RBMS3: variants seen among roughly 807,000 people sequenced by gnomAD.
RBMS3 encodes RNA-binding motif, single-stranded-interacting protein 3.
In RBMS3, 27 loss-of-function variants were observed where a neutral mutation model predicts 66.8. The ratio of observed to expected loss-of-function variants is 0.40; its 90% confidence interval spans 0.30 to 0.56. The LOEUF is 0.56. Ranked by LOEUF, RBMS3 falls within the 20% of genes least tolerant of loss-of-function variation. The probability of loss-of-function intolerance (pLI) is 0.40; values close to 1 mark genes in which losing one functional copy is unlikely to be tolerated. For missense variants in RBMS3, 513 were observed against 549.5 expected, an observed-to-expected ratio of 0.93 and a Z score of 0.66; for synonymous variants, 188 against 183.0, an observed-to-expected ratio of 1.03 and a Z score of -0.22.
intron 4 of RBMS3, among the ~76,000 whole-genome samples, chr3:29,671,495 AG>A (rs1418143064): frequency 2.0e-5 from 3 of 152,248 alleles, no homozygotes; most frequent in African/African-American, 7.2e-5. Context: ...AATCTAAAGC[AG>A]GATGTTCGAA....
At chr3:29,928,239 T>C (rs1009580268) in intron 10 of RBMS3, among the ~76,000 whole-genome samples, 45 of 119,526 alleles carry the variant, frequency 3.8e-4, no homozygotes, top group Admixed American at 6.6e-4. Context: ...CACACACATA[T>C]ATATGTATAT....
intron 4 of RBMS3, among the ~76,000 whole-genome samples, chr3:29,661,991 C>T (rs991006560): frequency 4.6e-5 from 7 of 152,132 alleles, no homozygotes; most frequent in East Asian, 1.9e-4. Flanking sequence ...TCAGTGCACA[C>T]GTTTTCAGTT....
In RBMS3 at chr3:29,418,389, CACTA is replaced by C. The variant is rs552406234; in HGVS notation, c.76-16352_76-16349del. On this transcript the variant is annotated intron_variant, in intron 1 of 14. Transcript: ENST00000383767. Reference sequence around the variant, plus strand: ...TCTCTCTGAAATTGCTAACATATGACACTAATTGACTTTGTCAGAATCCTCAGTG... The same window carrying C: ...TCTCTCTGAAATTGCTAACATATGACATTGACTTTGTCAGAATCCTCAGTG... Among the ~76,000 whole-genome samples, 15 of 152,260 alleles carry C rather than the reference CACTA, an allele frequency of 9.9e-5. No homozygotes were observed. In the South Asian group the frequency reaches 3.1e-3, roughly 32 times the overall value.
chr3:29,331,372 C>T (rs1047483978), intron 1 of RBMS3, among the ~76,000 whole-genome samples: 19 of 152,190 alleles, frequency 1.2e-4, no homozygotes, highest in South Asian at 2.1e-4. Context: ...TAAGTTAAGA[C>T]GAACTCCAAT....
chr3:29,624,863 A>G (rs2049002430), intron 4 of RBMS3, among the ~76,000 whole-genome samples: 1 of 152,096 alleles, frequency 6.6e-6, no homozygotes. Flanking sequence ...GGTCCCATCA[A>G]ATTTTTTCTT....
chr3:29,531,849 T>C (rs975458839), intron 3 of RBMS3, among the ~76,000 whole-genome samples: 1 of 152,186 alleles, frequency 6.6e-6, no homozygotes, highest in Non-Finnish European at 1.5e-5. Context: ...CCACATTTGG[T>C]TAACCCATTT....
intron 4 of RBMS3, among the ~76,000 whole-genome samples, chr3:29,660,939 G>C (rs1368304351): frequency 6.6e-6 from 1 of 152,196 alleles, no homozygotes; most frequent in African/African-American, 2.4e-5. Context: ...TTCTTTGTCT[G>C]CACTTTTGTA....
intron 1 of RBMS3, among the ~76,000 whole-genome samples, chr3:29,401,687 T>C (rs2039818578): frequency 1.3e-5 from 2 of 152,088 alleles, no homozygotes. Context: ...TGAATGAAGA[T>C]GGGGGAATGG....
intron 4 of RBMS3, among the ~76,000 whole-genome samples, chr3:29,654,420 C>T (rs1015944632): frequency 1.3e-5 from 2 of 151,884 alleles, no homozygotes; most frequent in African/African-American, 4.8e-5. Context: ...AGGGATATCA[C>T]TACTCATCTA....
At chr3:29,623,878 C>A (rs1042284982) in intron 4 of RBMS3, among the ~76,000 whole-genome samples, 1 of 152,132 alleles carries the variant, frequency 6.6e-6, no homozygotes, top group African/African-American at 2.4e-5. Flanking sequence ...CTCAAACTTC[C>A]CAGTGGAAGC....
intron 1 of RBMS3, among the ~76,000 whole-genome samples, chr3:29,286,746 AC>A (rs2032375787): frequency 1.3e-5 from 2 of 152,134 alleles, no homozygotes; most frequent in South Asian, 2.1e-4. Context: ...ATTTTACACA[AC>A]CTTTTTGACA....
chr3:29,900,450 G>GAA (rs1340521103), intron 10 of RBMS3, among the ~76,000 whole-genome samples: 1 of 151,678 alleles, frequency 6.6e-6, no homozygotes, highest in Non-Finnish European at 1.5e-5. Flanking sequence ...AATTCCAAGT[G>GAA]AAAAGTATGA....
intron 5 of RBMS3, among the ~76,000 whole-genome samples, chr3:29,755,430 T>G (rs1180328190): frequency 6.6e-6 from 1 of 152,224 alleles, no homozygotes; most frequent in Non-Finnish European, 1.5e-5. Flanking sequence ...GGCATCAAGA[T>G]GCTGGCTGGA....
At chr3:29,430,324 T>C (rs1244892709) in intron 1 of RBMS3, among the ~76,000 whole-genome samples, 3 of 152,158 alleles carry the variant, frequency 2.0e-5, no homozygotes, top group Non-Finnish European at 2.9e-5. Flanking sequence ...GCAGAATTTC[T>C]AGAATTTACG....
chr3:29,664,504 G>A (rs942318800), intron 4 of RBMS3, among the ~76,000 whole-genome samples: 2 of 151,846 alleles, frequency 1.3e-5, no homozygotes, highest in African/African-American at 4.8e-5. Flanking sequence ...AGTAATCTTA[G>A]TGACAAGTCA....
intron 1 of RBMS3, among the ~76,000 whole-genome samples, chr3:29,329,883 A>C (rs1030697373): frequency 1.4e-5 from 2 of 147,876 alleles, no homozygotes; most frequent in South Asian, 2.1e-4. Context: ...ATATTAATAT[A>C]ACTATATAAT....
intron 6 of RBMS3, among the ~76,000 whole-genome samples, chr3:29,820,230 A>T (rs2058041949): frequency 8.7e-6 from 1 of 114,640 alleles, no homozygotes; most frequent in Admixed American, 9.1e-5. Context: ...AAAAAAAAAA[A>T]AAAAAAAAAA....
intron 6 of RBMS3, among the ~76,000 whole-genome samples, chr3:29,765,075 A>C (rs1030612047): frequency 6.6e-6 from 1 of 152,066 alleles, no homozygotes; most frequent in Non-Finnish European, 1.5e-5. Flanking sequence ...AGAGTTGAAT[A>C]AAGGCTTCAA....
chr3:29,530,573 G>A (rs1333293739), intron 3 of RBMS3, among the ~76,000 whole-genome samples: 1 of 151,970 alleles, frequency 6.6e-6, no homozygotes, highest in Non-Finnish European at 1.5e-5. Flanking sequence ...CTTTATGAAA[G>A]TGTTTCTGCC....
Sources: allele counts gnomAD v4.1 joint callset (sites outside exome capture counted in the v4.1 genomes callset), GRCh38; gene constraint gnomAD v4.1.1; transcripts MANE v1.5; gene names NCBI Gene and HGNC (gene_info 2026-07-23, HGNC 2026-07-21).